ANP32A: variants seen among roughly 807,000 people sequenced by gnomAD.
ANP32A encodes the protein acidic nuclear phosphoprotein 32 family member A, also known as acidic leucine-rich nuclear phosphoprotein 32 family member A.
A neutral mutation model predicts 33.9 loss-of-function variants in ANP32A; 1 was observed. The ratio of observed to expected loss-of-function variants is 0.03; its 90% CI spans 0.01 to 0.14. The LOEUF (loss-of-function observed/expected upper bound fraction) is 0.14. ANP32A is among the 10% of genes least tolerant of loss of function. The pLI is 1.00. For synonymous variants in ANP32A, 115 were observed against 120.5 expected (o/e 0.95, Z 0.30); for missense variants, 155 against 306.0 (o/e 0.51, Z 3.68).
intron 1 of ANP32A, among the ~76,000 whole-genome samples, chr15:68,788,349 C>A (rs1357000407): frequency 2.0e-5 from 3 of 151,902 alleles, no homozygotes; most frequent in Non-Finnish European, 4.4e-5. Context: ...AATGCCCCCA[C>A]AAGACCCCCA....
At chr15:68,806,969 G>A (rs1267466589) in intron 1 of ANP32A, among the ~76,000 whole-genome samples, 7 of 152,230 alleles carry the variant, frequency 4.6e-5, no homozygotes, top group Non-Finnish European at 1.0e-4. Flanking sequence ...AGTCACACTG[G>A]GCTCTGTACA....
intron 1 of ANP32A, among the ~76,000 whole-genome samples, chr15:68,820,344 C>A (rs914386228): frequency 6.6e-6 from 1 of 152,246 alleles, no homozygotes; most frequent in African/African-American, 2.4e-5. Context: ...GACGGAGTCA[C>A]GGGAGCAGCG....
intron 1 of ANP32A, 89 bp downstream of exon 1, chr15:68,820,609 A>G: frequency 3.5e-6 from 1 of 286,850 alleles, no homozygotes; most frequent in Non-Finnish European, 5.2e-6. Context: ...CCCCCCCCCA[A>G]AAAAAGTGCC....
chr15:68,802,789 A>AT lies in ANP32A; in HGVS notation c.55-14871dup, dbSNP rs1042012151. Among the ~76,000 whole-genome samples the AT allele has an allele frequency of 4.9e-4, 75 of 152,144 alleles. 1 individual carries two copies. Among genetic ancestry groups the AT allele is most frequent in the Admixed American group, 2.3e-3 (35 of 15,274 alleles). Reference sequence around the variant, plus strand: ...TGCCTCAGCCTCCCAAGTAGCTGGGATTACAGGTATGTGCCATCATGCCCG... The same window carrying AT: ...TGCCTCAGCCTCCCAAGTAGCTGGGATTTACAGGTATGTGCCATCATGCCCG... On this transcript the variant is annotated intron_variant, in intron 1 of 6. Transcript: ENST00000465139.
intron 1 of ANP32A, among the ~76,000 whole-genome samples, chr15:68,801,091 G>A (rs1393575887): frequency 6.6e-6 from 1 of 152,096 alleles, no homozygotes; most frequent in Non-Finnish European, 1.5e-5. Flanking sequence ...CATGCAACTG[G>A]TGGTAGGATA....
Position 68,779,978 on chromosome 15 carries a change from A to C in ANP32A, c.*103T>G. On this transcript the variant is annotated 3_prime_UTR_variant, in exon 7 of 7. Coordinates refer to ENST00000465139, the MANE Select transcript of ANP32A (RefSeq NM_006305.4). ...TTCCCACAGCAACGTTACAATCAGAAAAAAATAAGTTTCAGGGGGCAGGAT... is the reference window on the plus strand; with the variant it reads ...TTCCCACAGCAACGTTACAATCAGACAAAAATAAGTTTCAGGGGGCAGGAT... The C allele has an allele frequency of 9.0e-7, 1 of 1,114,838 alleles. No individual in the cohort carries two copies. Among genetic ancestry groups the C allele is most frequent in the Non-Finnish European group, 1.3e-6 (1 of 780,664 alleles). The allele number at this position is 1,114,838 out of a possible 1,614,324, so 69.1% of individuals were successfully genotyped here.
chr15:68,792,434 C>T (rs979576419), intron 1 of ANP32A, among the ~76,000 whole-genome samples: 1 of 152,140 alleles, frequency 6.6e-6, no homozygotes, highest in African/African-American at 2.4e-5. Flanking sequence ...TGAAGGTTCC[C>T]AAGATGTCAG....
chr15:68,819,408 C>T (rs1252722526), intron 1 of ANP32A, among the ~76,000 whole-genome samples: 1 of 152,366 alleles, frequency 6.6e-6, no homozygotes, highest in East Asian at 1.9e-4. Flanking sequence ...CAGGGGTAAG[C>T]TTTCGCTCGA....
intron 1 of ANP32A, among the ~76,000 whole-genome samples, chr15:68,805,265 A>G (rs1169070756): frequency 6.6e-6 from 1 of 152,250 alleles, no homozygotes. Context: ...TCTGACAGTG[A>G]CGGCAGCTGG....
In ANP32A at chr15:68,816,397, GATA is replaced by G. The variant is rs145340698; in HGVS notation, c.54+4298_54+4300del. On this transcript the variant is annotated intron_variant, in intron 1 of 6. Coordinates refer to ENST00000465139, the MANE Select transcript of ANP32A (RefSeq NM_006305.4). The stretch of plus-strand genomic sequence containing the variant: ...CAATTTCCATATGCACAATGACGAT[GATA>G]ATAATAATACCTACCTCATAGTGCT... Among the ~76,000 whole-genome samples, 726 of 152,190 alleles carry G rather than the reference GATA, an allele frequency of 4.8e-3. 5 individuals carry two copies. The highest frequency in any genetic ancestry group is 0.017 in the African/African-American group (694 of 41,514).
chr15:68,797,567 C>T (rs1894079172), intron 1 of ANP32A, among the ~76,000 whole-genome samples: 2 of 152,140 alleles, frequency 1.3e-5, no homozygotes, highest in Non-Finnish European at 2.9e-5. Context: ...ATCCAGAGTA[C>T]GATTCCCAGA....
intron 1 of ANP32A, among the ~76,000 whole-genome samples, chr15:68,817,181 A>C (rs917775544): frequency 1.3e-5 from 2 of 152,236 alleles, no homozygotes; most frequent in Non-Finnish European, 2.9e-5. Context: ...CTGGCTCCTA[A>C]GTCAACATCC....
At chr15:68,796,638 G>A (rs1200142144) in intron 1 of ANP32A, among the ~76,000 whole-genome samples, 1 of 152,232 alleles carries the variant, frequency 6.6e-6, no homozygotes, top group Non-Finnish European at 1.5e-5. Context: ...AGCAGGTGGT[G>A]TGTGAACAGT....
chr15:68,787,344 T>A lies in ANP32A; in HGVS notation c.327+69A>T, dbSNP rs1893945594. 2.5e-6 allele frequency: 4 copies of A among 1,597,550 alleles called. No homozygotes were observed. The Admixed American group carries it at 5.0e-5, about 20-fold the overall frequency. The stretch of plus-strand genomic sequence containing the variant: ...AGTGGGAAAAGGACAAATGCAAAAG[T>A]AGTATTTGCTGATGCCAATTCCTCC... On this transcript the variant is annotated intron_variant, in intron 3 of 6. Coordinates refer to ENST00000465139, the MANE Select transcript of ANP32A (RefSeq NM_006305.4).
intron 3 of ANP32A, among the ~76,000 whole-genome samples, chr15:68,786,135 C>A (rs1460950020): frequency 1.3e-5 from 2 of 152,122 alleles, no homozygotes; most frequent in Non-Finnish European, 2.9e-5. Flanking sequence ...AACTCCAGCC[C>A]AATCTGAGGG....
In ANP32A at chr15:68,787,512, G is replaced by C; in HGVS notation, c.228C>G (p.Val76=). ...LKKLELSDNR[V]SGGLEVLAEK... is the part of the protein sequence containing the mutation. ...CTGCCAATACTTCCAGGCCCCCTGA[G>C]ACTCTGTTATCGCTTAGTTCAAGCT... is the stretch of plus-strand genomic sequence containing the variant. The change falls in exon 3 of 7, where the codon GTC becomes GTG. Residue 76 remains valine, a synonymous_variant. Transcript: ENST00000465139. 2 of 1,614,206 alleles carry C rather than the reference G, an allele frequency of 1.2e-6. No individual in the cohort carries two copies. Among genetic ancestry groups the C allele is most frequent in the Non-Finnish European group, 1.7e-6 (2 of 1,180,034 alleles).
intron 1 of ANP32A, among the ~76,000 whole-genome samples, chr15:68,797,505 C>T (rs1176725413): frequency 1.3e-5 from 2 of 152,156 alleles, no homozygotes; most frequent in Non-Finnish European, 2.9e-5. Flanking sequence ...CACATCATGT[C>T]TCATTACTCC....
intron 1 of ANP32A, among the ~76,000 whole-genome samples, chr15:68,804,064 T>A (rs540480675): frequency 6.6e-6 from 1 of 152,242 alleles, no homozygotes; most frequent in South Asian, 2.1e-4. Context: ...CCTCCCAAAG[T>A]CCTGGGATTA....
intron 1 of ANP32A, among the ~76,000 whole-genome samples, chr15:68,810,917 G>A (rs371445705): frequency 1.3e-5 from 2 of 151,914 alleles, no homozygotes; most frequent in African/African-American, 2.4e-5. Context: ...AAAGTTATCC[G>A]GGCGTGGTGG....
Sources: gnomAD v4.1 joint callset for allele counts (sites outside exome capture counted in the v4.1 genomes callset) on GRCh38, gnomAD v4.1.1 for gene constraint, MANE v1.5 for transcripts, NCBI Gene and HGNC (gene_info 2026-07-23, HGNC 2026-07-21) for gene names.